CPT1A: variants seen among roughly 807,000 people sequenced by gnomAD.
CPT1A encodes carnitine O-palmitoyltransferase 1, liver isoform.
In CPT1A, 64 loss-of-function variants were observed where a neutral mutation model predicts 100.8. That is an observed-to-expected ratio of 0.63 (90% CI 0.52 to 0.78). CPT1A has a LOEUF of 0.78. CPT1A is among the 30% of genes least tolerant of loss of function. The probability of loss-of-function intolerance (pLI) is 0.00; values close to 1 mark genes in which losing one functional copy is unlikely to be tolerated. For synonymous variants in CPT1A, 363 were observed against 396.0 expected (o/e 0.92, Z 0.99); for missense variants, 802 against 1,034.1 (o/e 0.78, Z 3.08).
intron 8 of CPT1A, 79 bp from the exon 9 acceptor site, chr11:68,793,481 C>A: frequency 8.7e-7 from 1 of 1,143,744 alleles, no homozygotes. Context: ...TGCGGTGGCT[C>A]ACGCCTGTAA....
At chr11:68,758,922 T>C (rs535737279) in intron 18 of CPT1A, among the ~76,000 whole-genome samples, 2 of 152,072 alleles carry the variant, frequency 1.3e-5, no homozygotes, top group South Asian at 4.1e-4. Context: ...CTGGCTGAGA[T>C]ACATTTGTTT....
chr11:68,815,288 G>T (rs1390199819), intron 2 of CPT1A, 46 bp downstream of exon 2: 12 of 1,598,032 alleles, frequency 7.5e-6, no homozygotes, highest in Non-Finnish European at 1.0e-5. Flanking sequence ...CCCGTTCTTA[G>T]ATATTAAAAG....
chr11:68,792,782 C>T (rs1855653244), intron 9 of CPT1A, among the ~76,000 whole-genome samples: 1 of 152,246 alleles, frequency 6.6e-6, no homozygotes, highest in Admixed American at 6.5e-5. Context: ...CTGTGTGTGA[C>T]TCACGCCTGT....
At chr11:68,821,864 G>A (rs1856594168) in intron 1 of CPT1A, among the ~76,000 whole-genome samples, 1 of 152,042 alleles carries the variant, frequency 6.6e-6, no homozygotes, top group South Asian at 2.1e-4. Context: ...GGATAAGGGG[G>A]GACCACTGCA....
At chr11:68,785,062 C>A (rs757738434) in intron 9 of CPT1A, 52 bp from the exon 10 acceptor site, 3 of 1,535,396 alleles carry the variant, frequency 2.0e-6, no homozygotes, top group Non-Finnish European at 2.7e-6. Flanking sequence ...AAGTTCAGCA[C>A]GTGCTGAGAC....
chr11:68,783,263 T>C (rs1373236111), intron 10 of CPT1A, among the ~76,000 whole-genome samples: 2 of 151,624 alleles, frequency 1.3e-5, no homozygotes, highest in Non-Finnish European at 1.5e-5. Context: ...CACATTAACC[T>C]ACTCATGCAC....
chr11:68,757,379 T>C lies in CPT1A; in HGVS notation c.*265A>G. 7.4e-7 allele frequency: 1 copy of C among 1,342,614 alleles called. No homozygotes were observed. The allele number at this position is 1,342,614 out of a possible 1,614,324, so 83.2% of individuals were successfully genotyped here. A position where few individuals can be genotyped will look rare whatever the true frequency, so the allele number is the denominator to read the frequency against. On this transcript the variant is annotated 3_prime_UTR_variant, in exon 19 of 19. Transcript: ENST00000265641. ...ATTAACTCAACAAGATTTGCATCCC[T>C]TAATAAATCCAAGCCGATGCGGAGA...
rs1450436820 is a variant in CPT1A at position 68,794,856 on chromosome 11, A to T, written c.827T>A (p.Ile276Asn). 1 of 1,614,122 alleles carries T rather than the reference A, an allele frequency of 6.2e-7. No individual in the cohort carries two copies. The highest frequency in any genetic ancestry group is 8.5e-7 in the Non-Finnish European group (1 of 1,180,058). Residue 276 changes from isoleucine (I) to asparagine (N), a missense_variant, in exon 8 of 19, where the codon ATC becomes AAC. Transcript: ENST00000265641. Reference sequence around the variant, plus strand: ...GCGCCTGTAAAGCAGGATGGCATGGATGGCGTTGCCGGCTCTTGCTGCCTG... The same window carrying T: ...GCGCCTGTAAAGCAGGATGGCATGGTTGGCGTTGCCGGCTCTTGCTGCCTG... Reference protein sequence around the residue: ...HIQAARAGNAIHAILLYRRKL... With the variant: ...HIQAARAGNANHAILLYRRKL...
Position 68,788,630 on chromosome 11 carries a change from T to TTAAA in CPT1A, c.968-3621_968-3620insTTTA, listed in dbSNP as rs746681111. Among the ~76,000 whole-genome samples the TTAAA allele has an allele frequency of 7.8e-3, 216 of 27,568 alleles. 4 individuals are homozygous for TTAAA. Among genetic ancestry groups the TTAAA allele is most frequent in the East Asian group, 0.016 (8 of 492 alleles). The allele number at this position is 27,568 out of a possible 152,430, so 18.1% of individuals were successfully genotyped here. A position where few individuals can be genotyped will look rare whatever the true frequency, so the allele number is the denominator to read the frequency against. ...ACAAAAACAAACAAACAAACAAAAG[T>TTAAA]AAAAAAAAAAAAAAAAAAAAAAAAG... is the stretch of plus-strand genomic sequence containing the variant. On this transcript the variant is annotated intron_variant, in intron 9 of 18. Coordinates refer to ENST00000265641, the MANE Select transcript of CPT1A (RefSeq NM_001876.4).
At chr11:68,802,556 G>T (rs144731250) in intron 5 of CPT1A, among the ~76,000 whole-genome samples, 2 of 151,070 alleles carry the variant, frequency 1.3e-5, no homozygotes, top group African/African-American at 4.9e-5. Flanking sequence ...GTGAAACCCC[G>T]TCTCCACTAA....
At chr11:68,790,142 C>G (rs1855574197) in intron 9 of CPT1A, among the ~76,000 whole-genome samples, 1 of 152,068 alleles carries the variant, frequency 6.6e-6, no homozygotes, top group Non-Finnish European at 1.5e-5. Context: ...CACAGCTCAG[C>G]TCACTACAGT....
intron 12 of CPT1A, among the ~76,000 whole-genome samples, chr11:68,780,096 T>G (rs955636343): frequency 1.3e-5 from 2 of 152,146 alleles, no homozygotes; most frequent in African/African-American, 4.8e-5. Context: ...TTCACTCTTT[T>G]GTTCCCTAAG....
chr11:68,843,815 C>T (rs1395382887), upstream of CPT1A, among the ~76,000 whole-genome samples: 1 of 152,238 alleles, frequency 6.6e-6, no homozygotes, highest in African/African-American at 2.4e-5. The surrounding 1 kb of genome is among the most constrained non-coding windows in gnomAD (Gnocchi z 4.0). Context: ...CCCACGAGCC[C>T]GGGCGGCTCT....
At chr11:68,805,450 C>T (rs1436463139) in intron 4 of CPT1A, among the ~76,000 whole-genome samples, 1 of 134,600 alleles carries the variant, frequency 7.4e-6, no homozygotes, top group African/African-American at 2.7e-5. Context: ...GATGCTGTCT[C>T]AAAAAAAAAA....
At chr11:68,783,444 C>G (rs975862744) in intron 10 of CPT1A, among the ~76,000 whole-genome samples, 2 of 152,172 alleles carry the variant, frequency 1.3e-5, no homozygotes, top group Non-Finnish European at 2.9e-5. Context: ...GGCTCCACCC[C>G]CTGGACACCC....
At chr11:68,775,907 C>A (rs755540158) in intron 12 of CPT1A, among the ~76,000 whole-genome samples, 1 of 152,128 alleles carries the variant, frequency 6.6e-6, no homozygotes, top group Non-Finnish European at 1.5e-5. Flanking sequence ...TAGATGCTCA[C>A]ACAAAAACTT....
Position 68,799,276 on chromosome 11 carries a change from C to T in CPT1A, c.635G>A (p.Gly212Asp). The T allele has an allele frequency of 1.2e-6, 2 of 1,614,060 alleles. No homozygotes were observed. The highest frequency in any genetic ancestry group is 2.2e-5 in the East Asian group (1 of 44,888). ...MTALAQDFAV[G>D]LGPRLQWYLK... is the part of the protein sequence containing the mutation. ...ATACCACTGTAATCTTGGTCCAAGA[C>T]CGACAGCAAAATCTTGAGCAAGTGC... Residue 212 changes from glycine (G) to aspartate (D), a missense_variant, in exon 6 of 19, where the codon GGT becomes GAT. Gly to Asp is a moderately conservative substitution (Grantham distance 94). This residue lies in a region of CPT1A where 627 missense variants were observed against 799.3 expected (regional missense o/e 0.78). Transcript: ENST00000265641.
intron 12 of CPT1A, among the ~76,000 whole-genome samples, chr11:68,776,189 A>C (rs1855134843): frequency 1.3e-5 from 2 of 152,220 alleles, no homozygotes; most frequent in South Asian, 4.1e-4. Context: ...GCTGGAGGCC[A>C]GGAGTTCCAA....
At chr11:68,822,322 A>G (rs1856606823) in intron 1 of CPT1A, among the ~76,000 whole-genome samples, 1 of 152,160 alleles carries the variant, frequency 6.6e-6, no homozygotes, top group Non-Finnish European at 1.5e-5. Context: ...GCTTTGGCTC[A>G]GGAGTTCGAG....
Sources: gnomAD v4.1 joint callset for allele counts (sites outside exome capture counted in the v4.1 genomes callset) on GRCh38, gnomAD v4.1.1 for gene constraint, gnomAD v4.1.1 regional missense constraint, Gnocchi (gnomAD v3.1) non-coding constraint, MANE v1.5 for transcripts, NCBI Gene and HGNC (gene_info 2026-07-23, HGNC 2026-07-21) for gene names.